Variants in SLC12A1 observed in about 807,000 individuals in gnomAD.
SLC12A1 encodes solute carrier family 12 member 1, also known as Na-K-2Cl cotransporter.
Under a neutral mutation model 130.4 loss-of-function variants are expected in SLC12A1, and 89 were observed. The ratio of observed to expected loss-of-function variants is 0.68; its 90% CI spans 0.58 to 0.81. SLC12A1 has a LOEUF of 0.81. Among genes scored for constraint, SLC12A1 ranks in the 40% least tolerant of loss-of-function variants. The pLI is 0.00. For missense variants in SLC12A1, 1,310 were observed against 1,336.4 expected (o/e 0.98, Z 0.31); for synonymous variants, 499 against 460.0 (o/e 1.08, Z -1.09).
chr15:48,263,004 C>A (rs147293933), intron 17 of SLC12A1, among the ~76,000 whole-genome samples: 3 of 152,318 alleles, frequency 2.0e-5, no homozygotes, highest in African/African-American at 7.2e-5. Flanking sequence ...CCAAACCAAT[C>A]ATCCCAGATA....
rs900304772 is a variant in SLC12A1, at chr15:48,303,262, T to C, written c.*377T>C. ...GAGTGTTTGCTTCTCAGCCCTGGTA[T>C]AGGTCTCAGCCCCACAGCAGGATCT... On this transcript the variant is annotated 3_prime_UTR_variant, in exon 27 of 27. Coordinates refer to ENST00000380993, the MANE Select transcript of SLC12A1 (RefSeq NM_000338.3). The C allele has an allele frequency of 1.2e-5, 2 of 164,064 alleles. No individual in the cohort carries two copies. Among genetic ancestry groups the C allele is most frequent in the Non-Finnish European group, 2.6e-5 (2 of 76,220 alleles). 10.2% of individuals were successfully genotyped at this position (164,064 alleles called of 1,614,324 possible).
chr15:48,291,399 T>C (rs2042119878), intron 23 of SLC12A1, among the ~76,000 whole-genome samples: 1 of 151,928 alleles, frequency 6.6e-6, no homozygotes, highest in African/African-American at 2.4e-5. Context: ...TGTTTGTCAG[T>C]AGCTTGTCAG....
At chr15:48,277,950 G>A (rs1031905303) in intron 20 of SLC12A1, among the ~76,000 whole-genome samples, 1 of 152,182 alleles carries the variant, frequency 6.6e-6, no homozygotes, top group African/African-American at 2.4e-5. Flanking sequence ...AGCGAGGAGA[G>A]TGCATCCTAT....
chr15:48,241,786 A>G (rs2041519421), intron 10 of SLC12A1, among the ~76,000 whole-genome samples, 187 bp downstream of exon 10: 1 of 152,230 alleles, frequency 6.6e-6, no homozygotes, highest in Admixed American at 6.5e-5. Flanking sequence ...AAGCTGTACT[A>G]CAGACATCTC....
chr15:48,208,144 G>GCC lies in SLC12A1; in HGVS notation c.420+6_420+7insCC, dbSNP rs775146344. 6.4e-7 allele frequency: 1 copy of GCC among 1,564,810 alleles called. No homozygotes were observed. The highest frequency in any genetic ancestry group is 8.6e-7 in the Non-Finnish European group (1 of 1,156,632). ...ATTCACGAGCAACTCGCAAAGGTAA[G>GCC]CTTGAAGGACACAAGCAAGTCTCCT... On this transcript the variant is annotated splice_donor_region_variant and intron_variant, in intron 2 of 26. Coordinates refer to ENST00000380993, the MANE Select transcript of SLC12A1 (RefSeq NM_000338.3).
At chr15:48,238,719 T>C (rs976821334) in intron 9 of SLC12A1, among the ~76,000 whole-genome samples, 3 of 152,138 alleles carry the variant, frequency 2.0e-5, no homozygotes, top group African/African-American at 7.2e-5. Context: ...TTAGAAAACA[T>C]TTACTGTTTA....
intron 23 of SLC12A1, 113 bp downstream of exon 23, chr15:48,288,629 A>G: frequency 1.6e-6 from 1 of 611,896 alleles, no homozygotes; most frequent in South Asian, 2.2e-5. Flanking sequence ...AGACAAAGCC[A>G]CCAGGATAGG....
intron 6 of SLC12A1, among the ~76,000 whole-genome samples, chr15:48,230,111 T>C (rs918114353): frequency 1.3e-5 from 2 of 152,170 alleles, no homozygotes; most frequent in African/African-American, 4.8e-5. Context: ...TAAAACACAA[T>C]ATGTATATGT....
intron 23 of SLC12A1, among the ~76,000 whole-genome samples, chr15:48,289,440 A>G (rs931482966): frequency 1.3e-4 from 16 of 126,360 alleles, no homozygotes; most frequent in Non-Finnish European, 2.1e-4. Context: ...ATGTATAACT[A>G]TGTATAACTG....
At chr15:48,298,635 T>C (rs2042201421) in intron 24 of SLC12A1, among the ~76,000 whole-genome samples, 1 of 152,204 alleles carries the variant, frequency 6.6e-6, no homozygotes, top group Non-Finnish European at 1.5e-5. Flanking sequence ...TCCTCCTACC[T>C]GCCCGCGGCC....
chr15:48,257,170 G>A (rs1052064379), intron 16 of SLC12A1, among the ~76,000 whole-genome samples: 2 of 152,204 alleles, frequency 1.3e-5, no homozygotes, highest in Non-Finnish European at 2.9e-5. Flanking sequence ...TCATATCCAG[G>A]TCATGTTGAT....
chr15:48,251,910 T>A, intron 15 of SLC12A1, 140 bp downstream of exon 15: 2 of 729,286 alleles, frequency 2.7e-6, no homozygotes, highest in Non-Finnish European at 4.4e-6. Flanking sequence ...AATATAATAG[T>A]AACAATAGTT....
At position 48,267,560 on chromosome 15, in the gene SLC12A1, G is replaced by C; in HGVS notation, c.2155-1G>C. 1 of 1,613,288 alleles carries C rather than the reference G, an allele frequency of 6.2e-7. No homozygotes were observed. Among genetic ancestry groups the C allele is most frequent in the Non-Finnish European group, 8.5e-7 (1 of 1,179,432 alleles). On this transcript the variant is annotated splice_acceptor_variant, in intron 17 of 26. Transcript: ENST00000380993. LOFTEE classifies it high-confidence loss of function. ...AACCAATATTTCATTGTGTCACACA[G>C]GGACCGCGCAAACTGTGTGTTAAGG...
At chr15:48,255,532 C>T (rs1016168932) in intron 15 of SLC12A1, among the ~76,000 whole-genome samples, 3 of 152,020 alleles carry the variant, frequency 2.0e-5, no homozygotes, top group African/African-American at 4.8e-5. Flanking sequence ...ATGTGGTTAT[C>T]GCACAGCCTC....
rs775162332 is a variant in SLC12A1 at position 48,302,905 on chromosome 15, C to T, written c.*20C>T. 6.4e-7 allele frequency: 1 copy of T among 1,565,446 alleles called. No homozygotes were observed. The highest frequency in any genetic ancestry group is 1.1e-5 in the South Asian group (1 of 89,090). On this transcript the variant is annotated 3_prime_UTR_variant, in exon 27 of 27. Coordinates refer to ENST00000380993, the MANE Select transcript of SLC12A1 (RefSeq NM_000338.3). ...TCTTAAAACATGAAAGATTGGAATA[C>T]ATTTTAACTTAATGTAATGCATAAT... is the stretch of plus-strand genomic sequence containing the variant.
At chr15:48,242,628 C>T (rs534946948) in intron 10 of SLC12A1, among the ~76,000 whole-genome samples, 1 of 152,024 alleles carries the variant, frequency 6.6e-6, no homozygotes, top group Non-Finnish European at 1.5e-5. Context: ...CATAGAGAGA[C>T]CCCATTCCTA....
chr15:48,218,528 G>A (rs1300834080), intron 2 of SLC12A1, among the ~76,000 whole-genome samples: 1 of 152,138 alleles, frequency 6.6e-6, no homozygotes, highest in Admixed American at 6.5e-5. Flanking sequence ...CTTTGAGTAT[G>A]GCAAGGGCAA....
chr15:48,255,652 C>A (rs1297238907), intron 15 of SLC12A1, among the ~76,000 whole-genome samples, 159 bp from the exon 16 acceptor site: 2 of 152,166 alleles, frequency 1.3e-5, no homozygotes, highest in East Asian at 3.9e-4. Context: ...ATACAAAGTG[C>A]TTTTTAGGAA....
rs57937723 is a variant in SLC12A1 at position 48,256,822 on chromosome 15, G to GCCC, written c.2042+921_2042+923dup. Among the ~76,000 whole-genome samples, 116 of 120,132 alleles carry GCCC rather than the reference G, an allele frequency of 9.7e-4. 5 individuals carry two copies. The highest frequency in any genetic ancestry group is 2.4e-3 in the African/African-American group (75 of 31,008). The allele number at this position is 120,132 out of a possible 152,430, so 78.8% of individuals were successfully genotyped here. ...CCCAAACCATATCATTCCATCCCTGGCCCCCCCCCCCAAATTTCTTGTCCT... is the reference window on the plus strand; with the variant it reads ...CCCAAACCATATCATTCCATCCCTGGCCCCCCCCCCCCCCAAATTTCTTGTCCT... On this transcript the variant is annotated intron_variant, in intron 16 of 26. Coordinates refer to ENST00000380993, the MANE Select transcript of SLC12A1 (RefSeq NM_000338.3).
Sources: allele counts gnomAD v4.1 joint callset (sites outside exome capture counted in the v4.1 genomes callset), GRCh38; gene constraint gnomAD v4.1.1; transcripts MANE v1.5; gene names NCBI Gene and HGNC (gene_info 2026-07-23, HGNC 2026-07-21).